Variants in THSD7B observed in about 807,000 individuals in gnomAD.
THSD7B encodes the protein thrombospondin type-1 domain-containing protein 7B.
THSD7B carries 138 observed loss-of-function variants against 213.6 expected under a neutral mutation model. The observed-to-expected ratio is 0.65, with a 90% CI of 0.56 to 0.74. The LOEUF is 0.74. THSD7B is among the 30% of genes least tolerant of loss of function. The pLI is 0.00. For synonymous variants in THSD7B, 742 were observed against 687.0 expected, an observed-to-expected ratio of 1.08 and a Z score of -1.25; for missense variants, 1,931 against 1,991.5, an observed-to-expected ratio of 0.97 and a Z score of 0.58.
chr2:137,214,025 G>T (rs543129001), intron 7 of THSD7B, among the ~76,000 whole-genome samples: 2 of 152,006 alleles, frequency 1.3e-5, no homozygotes, highest in Non-Finnish European at 2.9e-5. Context: ...TAATAATAAT[G>T]GTAATAAATT....
Position 136,962,403 on chromosome 2 carries a change from C to CTTTTTTTTTTTTTTTTTTTTT in THSD7B, c.139+80091_139+80111dup, listed in dbSNP as rs71400559. On this transcript the variant is annotated intron_variant, in intron 2 of 27. Coordinates refer to ENST00000409968, the MANE Select transcript of THSD7B (RefSeq NM_001316349.2). ...AACACACTATACATAAATCTGTTAT[C>CTTTTTTTTTTTTTTTTTTTTT]TTTTTTTTTTTTTTTTTTTTTTTTT... 2.0e-5 allele frequency among the ~76,000 whole-genome samples: 2 copies of CTTTTTTTTTTTTTTTTTTTTT among 100,180 alleles called. 1 individual carries two copies. The highest frequency in any genetic ancestry group is 3.7e-5 in the Non-Finnish European group (2 of 53,850). The allele number at this position is 100,180 out of a possible 152,430, so 65.7% of individuals were successfully genotyped here. A position where few individuals can be genotyped will look rare whatever the true frequency, so the allele number is the denominator to read the frequency against.
chr2:137,313,762 A>G (rs1328602445), intron 12 of THSD7B, among the ~76,000 whole-genome samples: 1 of 152,110 alleles, frequency 6.6e-6, no homozygotes, highest in East Asian at 1.9e-4. Context: ...CCCTTCACTT[A>G]TGAAGCTTAG....
At chr2:137,356,866 G>A (rs1685140045) in intron 12 of THSD7B, among the ~76,000 whole-genome samples, 1 of 151,858 alleles carries the variant, frequency 6.6e-6, no homozygotes, top group South Asian at 2.1e-4. Context: ...GTATGTAGCA[G>A]TGGATCAGTA....
At chr2:136,776,451 C>T (rs1558801233) in intron 1 of THSD7B, among the ~76,000 whole-genome samples, 1 of 152,096 alleles carries the variant, frequency 6.6e-6, no homozygotes, top group Non-Finnish European at 1.5e-5. Context: ...TTTACTGGTC[C>T]ACCTAGAACT....
intron 14 of THSD7B, among the ~76,000 whole-genome samples, chr2:137,426,831 T>C (rs1687066688): frequency 6.6e-6 from 1 of 151,864 alleles, no homozygotes; most frequent in Admixed American, 6.6e-5. Context: ...GCACAAGAAA[T>C]GAAACCATCA....
chr2:136,898,889 C>A (rs915444248), intron 2 of THSD7B, among the ~76,000 whole-genome samples: 1 of 151,980 alleles, frequency 6.6e-6, no homozygotes, highest in Admixed American at 6.5e-5. Context: ...GATCTGCCCA[C>A]CTCGGCCTCC....
intron 10 of THSD7B, among the ~76,000 whole-genome samples, chr2:137,253,268 G>C (rs1165114455): frequency 6.6e-6 from 1 of 152,060 alleles, no homozygotes; most frequent in Non-Finnish European, 1.5e-5. Context: ...ACATACCAAA[G>C]AAAACAAAAT....
chr2:136,882,898 T>C lies in THSD7B; in HGVS notation c.139+581T>C, dbSNP rs76854760. ...TGAGTTGAAATTTGGGGCTGGAATATAACTTATGTTCATCTCTAAATATTT... is the reference window on the plus strand; with the variant it reads ...TGAGTTGAAATTTGGGGCTGGAATACAACTTATGTTCATCTCTAAATATTT... On this transcript the variant is annotated intron_variant, in intron 2 of 27. Coordinates refer to ENST00000409968, the MANE Select transcript of THSD7B (RefSeq NM_001316349.2). Among the ~76,000 whole-genome samples, 440 of 152,330 alleles carry C rather than the reference T, an allele frequency of 2.9e-3. 11 individuals are homozygous for C. In the East Asian group the frequency reaches 0.07, roughly 24 times the overall value.
chr2:137,092,989 T>C (rs1051929212), intron 3 of THSD7B, among the ~76,000 whole-genome samples: 7 of 152,242 alleles, frequency 4.6e-5, no homozygotes, highest in African/African-American at 1.7e-4. Flanking sequence ...AAAATCTCTC[T>C]GTCAGTATTT....
intron 20 of THSD7B, among the ~76,000 whole-genome samples, chr2:137,621,162 A>G (rs1057410399): frequency 6.6e-6 from 1 of 152,194 alleles, no homozygotes; most frequent in African/African-American, 2.4e-5. Context: ...ATGTAAATCA[A>G]GGACACAAGT....
At chr2:137,600,356 A>C (rs1055444388) in intron 17 of THSD7B, among the ~76,000 whole-genome samples, 2 of 152,206 alleles carry the variant, frequency 1.3e-5, no homozygotes, top group Non-Finnish European at 2.9e-5. Flanking sequence ...TTACAATGGA[A>C]CTGAAAATTT....
At chr2:137,501,974 G>A (rs926965582) in intron 15 of THSD7B, among the ~76,000 whole-genome samples, 79 of 152,266 alleles carry the variant, frequency 5.2e-4, no homozygotes, top group African/African-American at 1.8e-3. Context: ...GGATTAAATG[G>A]GTACTGATGA....
intron 17 of THSD7B, among the ~76,000 whole-genome samples, chr2:137,615,493 T>G (rs948495525): frequency 1.3e-5 from 2 of 152,308 alleles, no homozygotes; most frequent in South Asian, 4.1e-4. Context: ...CCGGTTGACC[T>G]GGGTCAAGAA....
chr2:137,592,763 A>C (rs1373446116), intron 17 of THSD7B, among the ~76,000 whole-genome samples: 1 of 151,902 alleles, frequency 6.6e-6, no homozygotes, highest in East Asian at 1.9e-4. Flanking sequence ...TGGGTTGATA[A>C]ATTTTTTTAC....
At chr2:137,304,291 T>C (rs917744117) in intron 12 of THSD7B, among the ~76,000 whole-genome samples, 1 of 152,144 alleles carries the variant, frequency 6.6e-6, no homozygotes, top group African/African-American at 2.4e-5. Context: ...CTGGATTCTT[T>C]AAATTAAATA....
At chr2:137,109,182 TG>T (rs1381780596) in intron 4 of THSD7B, among the ~76,000 whole-genome samples, 3 of 152,184 alleles carry the variant, frequency 2.0e-5, no homozygotes, top group Non-Finnish European at 4.4e-5. Flanking sequence ...TCCACCTCCC[TG>T]GCTCCCACAG....
chr2:137,572,384 A>G, intron 16 of THSD7B, 22 bp from the exon 17 acceptor site: 1 of 1,613,354 alleles, frequency 6.2e-7, no homozygotes, highest in Non-Finnish European at 8.5e-7. Context: ...TAATCAAACT[A>G]TCTTGTGACC....
intron 9 of THSD7B, 61 bp from the exon 10 acceptor site, chr2:137,242,396 T>A (rs1681930359): frequency 7.6e-7 from 1 of 1,313,930 alleles, no homozygotes; most frequent in East Asian, 2.3e-5. Flanking sequence ...AATCCTATAG[T>A]TCTGCGTTCA....
intron 17 of THSD7B, among the ~76,000 whole-genome samples, chr2:137,606,538 A>G (rs1423776009): frequency 3.3e-5 from 5 of 152,114 alleles, no homozygotes; most frequent in Non-Finnish European, 7.4e-5. Context: ...GTGCACAAAT[A>G]TTAAAACAGA....
Sources: gnomAD v4.1 joint callset for allele counts (sites outside exome capture counted in the v4.1 genomes callset) on GRCh38, gnomAD v4.1.1 for gene constraint, MANE v1.5 for transcripts, NCBI Gene and HGNC (gene_info 2026-07-23, HGNC 2026-07-21) for gene names.